Variants in VAMP7 observed in about 807,000 individuals in gnomAD.
VAMP7 encodes vesicle associated membrane protein 7.
VAMP7 carries 14 observed loss-of-function variants against 29.6 expected under a neutral mutation model. That is an observed-to-expected ratio of 0.47 (90% CI 0.31 to 0.74). The LOEUF (loss-of-function observed/expected upper bound fraction) is 0.74. Among genes scored for constraint, VAMP7 ranks in the 30% least tolerant of loss-of-function variants. VAMP7 has a pLI of 0.05. For synonymous variants in VAMP7, 95 were observed against 88.1 expected, an observed-to-expected ratio of 1.08 and a Z score of -0.44; for missense variants, 223 against 262.4, an observed-to-expected ratio of 0.85 and a Z score of 1.04.
In VAMP7 at chrX:155,942,727, T is replaced by G. The variant is rs1440553219; in HGVS notation, c.*776T>G. The G allele has an allele frequency of 6.5e-6, 1 of 153,814 alleles. No individual in the cohort carries two copies. The highest frequency in any genetic ancestry group is 1.4e-5 in the Non-Finnish European group (1 of 69,192). The allele number at this position is 153,814 out of a possible 1,614,324, so 9.5% of individuals were successfully genotyped here. A position where few individuals can be genotyped will look rare whatever the true frequency, so the allele number is the denominator to read the frequency against. ...TGTTCCTTTTTCTTCTGTGAATATT[T>G]AGGGCAATCGTGTCGCTAATAGAAT... is the stretch of plus-strand genomic sequence containing the variant. On this transcript the variant is annotated 3_prime_UTR_variant, in exon 8 of 8. Coordinates refer to ENST00000286448, the MANE Select transcript of VAMP7 (RefSeq NM_005638.6).
In VAMP7 at chrX:155,898,121, C is replaced by G. The variant is rs763365685; in HGVS notation, c.214C>G (p.Arg72Gly). Residue 72 changes from arginine to glycine, a missense_variant, in exon 4 of 8, where the codon CGT becomes GGT. By Grantham distance (125) the Arg-to-Gly change is moderately radical. Transcript: ENST00000286448. ...YLCITDDDFE[R>G]SRAFNFLNEI... ...GTTGATCTCTTTTCAGGATTTTGAA[C>G]GTTCCCGAGCCTTTAATTTTCTGAA... 2 of 1,608,054 alleles carry G rather than the reference C, an allele frequency of 1.2e-6. No individual in the cohort carries two copies. The highest frequency in any genetic ancestry group is 1.1e-5 in the South Asian group (1 of 90,248).
chrX:155,887,965 G>T (rs1339796106), intron 1 of VAMP7, among the ~76,000 whole-genome samples: 1 of 150,666 alleles, frequency 6.6e-6, no homozygotes, highest in Non-Finnish European at 1.5e-5. Context: ...AAAAGAAACA[G>T]AACAGTAGGA....
chrX:155,933,098 G>T (rs1018202008), intron 6 of VAMP7, among the ~76,000 whole-genome samples: 1 of 152,106 alleles, frequency 6.6e-6, no homozygotes, highest in African/African-American at 2.4e-5. Context: ...TGCTGGATTC[G>T]ATTTGCCAGT....
chrX:155,927,583 TC>T (rs33999967), intron 6 of VAMP7, among the ~76,000 whole-genome samples: 151,148 of 151,152 alleles, frequency 1, 75,572 homozygotes, highest in Non-Finnish European at 1. Flanking sequence ...TTTATTGTTT[TC>T]CTGCAGTTCT....
chrX:155,933,669 T>C (rs1363114779), intron 6 of VAMP7, among the ~76,000 whole-genome samples: 1 of 152,196 alleles, frequency 6.6e-6, no homozygotes, highest in Middle Eastern at 3.2e-3. Flanking sequence ...CTGGATTCAT[T>C]GATTTCTTGA....
At chrX:155,924,382 A>G (rs1436768583) in intron 6 of VAMP7, among the ~76,000 whole-genome samples, 1 of 152,154 alleles carries the variant, frequency 6.6e-6, no homozygotes, top group Non-Finnish European at 1.5e-5. Flanking sequence ...CATCACTACT[A>G]GCTATTTCCA....
chrX:155,931,344 C>G (rs1254707127), intron 6 of VAMP7, among the ~76,000 whole-genome samples: 1 of 152,150 alleles, frequency 6.6e-6, no homozygotes, highest in Non-Finnish European at 1.5e-5. Flanking sequence ...AAAAGTGTTC[C>G]TGTTTCTCCA....
chrX:155,940,306 C>T (rs1345824140), intron 7 of VAMP7, among the ~76,000 whole-genome samples: 1 of 152,034 alleles, frequency 6.6e-6, no homozygotes, highest in Non-Finnish European at 1.5e-5. Context: ...GCCTTTCCTC[C>T]CCATCCTCCA....
At chrX:155,936,500 G>T (rs747512122) in intron 6 of VAMP7, among the ~76,000 whole-genome samples, 33 of 152,346 alleles carry the variant, frequency 2.2e-4, no homozygotes, top group Admixed American at 9.1e-4. Flanking sequence ...CTCTGAGCCA[G>T]GCGCGGGATA....
intron 5 of VAMP7, among the ~76,000 whole-genome samples, chrX:155,918,304 A>G (rs1378811822): frequency 6.0e-5 from 9 of 151,200 alleles, no homozygotes; most frequent in Non-Finnish European, 1.3e-4. Flanking sequence ...GCCCCTTTCC[A>G]GGCGAGTGAA....
At chrX:155,903,945 G>A (rs1048698951) in intron 5 of VAMP7, among the ~76,000 whole-genome samples, 28 of 151,884 alleles carry the variant, frequency 1.8e-4, no homozygotes, top group Non-Finnish European at 4.0e-4. Context: ...GCAAAGACTT[G>A]GAACCAACCC....
Position 155,943,559 on chromosome X carries a change from T to A in VAMP7, c.*1608T>A, listed in dbSNP as rs1292115679. The stretch of plus-strand genomic sequence containing the variant: ...AAAACATTTGGCATTCCTGAATAAT[T>A]TCCAAATGTTTTTAATCCAAAGAAA... On this transcript the variant is annotated 3_prime_UTR_variant, in exon 8 of 8. Coordinates refer to ENST00000286448, the MANE Select transcript of VAMP7 (RefSeq NM_005638.6). 1.3e-5 allele frequency: 2 copies of A among 152,250 alleles called. No homozygotes were observed. Among genetic ancestry groups the A allele is most frequent in the South Asian group, 4.1e-4 (2 of 4,820 alleles). 9.4% of individuals were successfully genotyped at this position (152,250 alleles called of 1,614,324 possible).
chrX:155,941,919 G>A lies in VAMP7; in HGVS notation c.631G>A (p.Gly211Arg), dbSNP rs1281695553. Residue 211 changes from glycine (G) to arginine (R), a missense_variant, in exon 8 of 8, where the codon GGA becomes AGA. By Grantham distance (125) the Gly-to-Arg change is moderately radical. Coordinates refer to ENST00000286448, the MANE Select transcript of VAMP7 (RefSeq NM_005638.6). ...TATCATTGTTTCACCTCTCTGTGGT[G>A]GATTTACATGGCCAAGCTGTGTGAA... ...IYIIVSPLCG[G>R]FTWPSCVKK 6.2e-7 allele frequency: 1 copy of A among 1,613,586 alleles called. No homozygotes were observed. The highest frequency in any genetic ancestry group is 1.3e-5 in the African/African-American group (1 of 74,842).
chrX:155,925,084 T>C (rs1286801333), intron 6 of VAMP7, among the ~76,000 whole-genome samples: 1 of 152,182 alleles, frequency 6.6e-6, no homozygotes, highest in Non-Finnish European at 1.5e-5. Flanking sequence ...CAGTTCTAAT[T>C]CTAGTTCTCT....
At chrX:155,905,208 A>C (rs2066130720) in intron 5 of VAMP7, among the ~76,000 whole-genome samples, 1 of 151,868 alleles carries the variant, frequency 6.6e-6, no homozygotes, top group South Asian at 2.1e-4. Context: ...CCATTCGTAT[A>C]TTTTCTTTAC....
intron 5 of VAMP7, among the ~76,000 whole-genome samples, chrX:155,907,185 A>G (rs2066158997): frequency 6.6e-6 from 1 of 152,028 alleles, no homozygotes; most frequent in South Asian, 2.1e-4. Context: ...ATATTATTGG[A>G]TTCATCCTGC....
At chrX:155,899,391 C>A (rs1393482536) in intron 4 of VAMP7, among the ~76,000 whole-genome samples, 1 of 151,842 alleles carries the variant, frequency 6.6e-6, no homozygotes, top group African/African-American at 2.4e-5. Flanking sequence ...TTTCGAAATG[C>A]TTCCCTTTTA....
intron 5 of VAMP7, among the ~76,000 whole-genome samples, chrX:155,911,951 C>A (rs1421814984): frequency 1.3e-5 from 2 of 152,162 alleles, no homozygotes; most frequent in Non-Finnish European, 2.9e-5. Flanking sequence ...CCCTTTATTT[C>A]TTTCTCTTGC....
intron 6 of VAMP7, among the ~76,000 whole-genome samples, chrX:155,926,967 C>T (rs2889417): frequency 0.65 from 98,142 of 151,960 alleles, 32,127 homozygotes; most frequent in African/African-American, 0.76. Context: ...AGCTCCGTCA[C>T]CTTATATAGG....
Sources: gnomAD v4.1 joint callset for allele counts (sites outside exome capture counted in the v4.1 genomes callset) on GRCh38, gnomAD v4.1.1 for gene constraint, MANE v1.5 for transcripts, NCBI Gene and HGNC (gene_info 2026-07-23, HGNC 2026-07-21) for gene names.